TBC1D24: variants seen among roughly 807,000 people sequenced by gnomAD.
TBC1D24 encodes the protein TBC1 domain family member 24, also known as Infantile myoclonic epilepsy.
Under a neutral mutation model 50.7 loss-of-function variants are expected in TBC1D24, and 47 were observed. That is an observed-to-expected ratio of 0.93 (90% CI 0.73 to 1.18). TBC1D24 has a LOEUF of 1.18. TBC1D24 is among the 50% of genes most tolerant of loss of function. TBC1D24 has a pLI of 0.00. For synonymous variants in TBC1D24, 324 were observed against 335.2 expected, an observed-to-expected ratio of 0.97 and a Z score of 0.36; for missense variants, 688 against 766.5, an observed-to-expected ratio of 0.90 and a Z score of 1.21.
rs577217749 is a variant in TBC1D24 at position 2,494,426 on chromosome 16, A to G, written c.-115-1608A>G. On this transcript the variant is annotated intron_variant, in intron 1 of 7. Coordinates refer to ENST00000646147, the MANE Select transcript of TBC1D24 (RefSeq NM_001199107.2). ...GACTCTGTCTCAAAAAAAAAAAAAA[A>G]GGGAGAACTAGAACGAAGCATCTCT... Among the ~76,000 whole-genome samples, 244 of 150,706 alleles carry G rather than the reference A, an allele frequency of 1.6e-3. 2 individuals carry two copies. Among genetic ancestry groups the G allele is most frequent in the Middle Eastern group, 0.014 (4 of 290 alleles).
At chr16:2,488,617 C>T (rs1286078050) in intron 1 of TBC1D24, among the ~76,000 whole-genome samples, 2 of 147,186 alleles carry the variant, frequency 1.4e-5, no homozygotes, top group African/African-American at 2.5e-5. Flanking sequence ...GTTCACACTA[C>T]TCTCCTGCCT....
chr16:2,495,567 C>G (rs1209897515), intron 1 of TBC1D24, among the ~76,000 whole-genome samples: 1 of 152,126 alleles, frequency 6.6e-6, no homozygotes, highest in Non-Finnish European at 1.5e-5. Context: ...ATCACAAGGT[C>G]AGGAGTTTGA....
At position 2,498,333 on chromosome 16, in the gene TBC1D24, G is replaced by A. The variant is rs765965968; in HGVS notation, c.1079G>A (p.Arg360His). Residue 360 changes from arginine to histidine, a missense_variant, in exon 4 of 8, where the codon CGC (arginine) becomes CAC (histidine). Physicochemically the swap from Arg to His is conservative, Grantham distance 29. Coordinates refer to ENST00000646147, the MANE Select transcript of TBC1D24 (RefSeq NM_001199107.2). ...MRDIWSWVPE[R>H]FALCQPLLLF... ...GACATCTGGTCCTGGGTCCCCGAGCGCTTTGCCCTGTGCCAGCCCCTTCTG... is the reference window on the plus strand; with the variant it reads ...GACATCTGGTCCTGGGTCCCCGAGCACTTTGCCCTGTGCCAGCCCCTTCTG... 8.1e-6 allele frequency: 13 copies of A among 1,610,106 alleles called. No homozygotes were observed. Among genetic ancestry groups the A allele is most frequent in the South Asian group, 1.1e-5 (1 of 90,148 alleles).
In TBC1D24 at chr16:2,485,717, A is replaced by G. The variant is rs976661937; in HGVS notation, c.-115-10317A>G. ...CGGTGTCGGGATTGAATTGGAGGAC[A>G]CCCTGCGGGCGCCCGCTGCAGAATG... is the stretch of plus-strand genomic sequence containing the variant. On this transcript the variant is annotated intron_variant, in intron 1 of 7. Transcript: ENST00000646147. This position sits in a 1 kb window ranked among gnomAD's most constrained non-coding sequence, Gnocchi z 4.6. 1.3e-5 allele frequency among the ~76,000 whole-genome samples: 2 copies of G among 151,928 alleles called. No homozygotes were observed. Among genetic ancestry groups the G allele is most frequent in the African/African-American group, 4.8e-5 (2 of 41,348 alleles).
chr16:2,485,998 C>T lies in TBC1D24; in HGVS notation c.-115-10036C>T, dbSNP rs563519138. ...ACAAAGCTCTCATCCCTGGATCTTGCGGATCTCGCGCCCGGGCTGGAATGC... is the reference window on the plus strand; with the variant it reads ...ACAAAGCTCTCATCCCTGGATCTTGTGGATCTCGCGCCCGGGCTGGAATGC... On this transcript the variant is annotated intron_variant, in intron 1 of 7. Coordinates refer to ENST00000646147, the MANE Select transcript of TBC1D24 (RefSeq NM_001199107.2). This position sits in a 1 kb window ranked among gnomAD's most constrained non-coding sequence, Gnocchi z 4.6. Among the ~76,000 whole-genome samples, 6 of 152,290 alleles carry T rather than the reference C, an allele frequency of 3.9e-5. No homozygotes were observed. Among genetic ancestry groups the T allele is most frequent in the East Asian group, 1.9e-4 (1 of 5,176 alleles).
At position 2,487,406 on chromosome 16, in the gene TBC1D24, C is replaced by T. The variant is rs927910226; in HGVS notation, c.-115-8628C>T. ...CTGTGACCTGGGACAGGAGCGGTCC[C>T]CAGGAAGGGAGGCACGGTGTCGGGG... On this transcript the variant is annotated intron_variant, in intron 1 of 7. Transcript: ENST00000646147. The surrounding 1 kb of genome is among the most constrained non-coding windows in gnomAD (Gnocchi z 4.1). Among the ~76,000 whole-genome samples the T allele has an allele frequency of 6.6e-6, 1 of 152,224 alleles. No individual in the cohort carries two copies. The highest frequency in any genetic ancestry group is 1.5e-5 in the Non-Finnish European group (1 of 68,040).
intron 1 of TBC1D24, among the ~76,000 whole-genome samples, chr16:2,490,297 A>G (rs760717915): frequency 4.6e-5 from 7 of 152,178 alleles, no homozygotes; most frequent in African/African-American, 9.7e-5. Context: ...TCTCTGCTCC[A>G]CACTCAGGGA....
intron 1 of TBC1D24, among the ~76,000 whole-genome samples, chr16:2,492,257 C>G (rs2065701536): frequency 1.3e-5 from 2 of 152,016 alleles, no homozygotes; most frequent in African/African-American, 4.8e-5. Context: ...CAAGGGCTCC[C>G]TCGGGTCTTT....
chr16:2,493,520 C>T (rs918776595), intron 1 of TBC1D24: 1 of 152,200 alleles, frequency 6.6e-6, no homozygotes, highest in Non-Finnish European at 1.5e-5. Flanking sequence ...GACAGTGTCT[C>T]GCAGACGTAC....
At position 2,496,872 on chromosome 16, in the gene TBC1D24, C is replaced by G; in HGVS notation, c.724C>G (p.Arg242Gly). Residue 242 changes from arginine to glycine, a missense_variant, in exon 2 of 8, where the codon CGC becomes GGC. Coordinates refer to ENST00000646147, the MANE Select transcript of TBC1D24 (RefSeq NM_001199107.2). ...FLVEGYKVLY[R>G]VALAILKFFH... ...GGTGGAGGGCTACAAGGTGCTGTAC[C>G]GCGTGGCGCTGGCCATCCTCAAGTT... is the stretch of plus-strand genomic sequence containing the variant. 1 of 1,614,114 alleles carries G rather than the reference C, an allele frequency of 6.2e-7. No homozygotes were observed. The highest frequency in any genetic ancestry group is 2.2e-5 in the East Asian group (1 of 44,890).
At position 2,499,628 on chromosome 16, in the gene TBC1D24, C is replaced by T. The variant is rs952875988; in HGVS notation, c.1207-207C>T. On this transcript the variant is annotated intron_variant, in intron 5 of 7. Transcript: ENST00000646147. The surrounding 1 kb of genome is among the most constrained non-coding windows in gnomAD (Gnocchi z 4.0). ...GACTATCCCCAACACAGCCCCCGCC[C>T]ACCCTCATTGCCAGCCCCAAGCCAG... Among the ~76,000 whole-genome samples, 1 of 152,154 alleles carries T rather than the reference C, an allele frequency of 6.6e-6. No homozygotes were observed. The highest frequency in any genetic ancestry group is 1.5e-5 in the Non-Finnish European group (1 of 68,000).
chr16:2,496,873 G>T lies in TBC1D24; in HGVS notation c.725G>T (p.Arg242Leu). The T allele has an allele frequency of 6.2e-7, 1 of 1,614,126 alleles. No individual in the cohort carries two copies. The highest frequency in any genetic ancestry group is 8.5e-7 in the Non-Finnish European group (1 of 1,180,040). Residue 242 changes from arginine (R) to leucine (L), a missense_variant, in exon 2 of 8, where the codon CGC (arginine) becomes CTC (leucine). By Grantham distance (102) the Arg-to-Leu change is moderately radical (BLOSUM62 -2). Transcript: ENST00000646147. ...GTGGAGGGCTACAAGGTGCTGTACCGCGTGGCGCTGGCCATCCTCAAGTTC... is the reference window on the plus strand; with the variant it reads ...GTGGAGGGCTACAAGGTGCTGTACCTCGTGGCGCTGGCCATCCTCAAGTTC... ...FLVEGYKVLY[R>L]VALAILKFFH...
In TBC1D24 at chr16:2,500,175, G is replaced by T. The variant is rs1567414192; in HGVS notation, c.1303-93G>T. On this transcript the variant is annotated intron_variant, in intron 6 of 7. Transcript: ENST00000646147. This position sits in a 1 kb window ranked among gnomAD's most constrained non-coding sequence, Gnocchi z 8.0. ...GGGCTGCACCCACCTTGGGCTCTGG[G>T]TGCAGATTCACGGGATGAAACGGGT... 1 of 1,319,324 alleles carries T rather than the reference G, an allele frequency of 7.6e-7. No homozygotes were observed. Among genetic ancestry groups the T allele is most frequent in the Non-Finnish European group, 1.1e-6 (1 of 939,018 alleles). The allele number at this position is 1,319,324 out of a possible 1,614,324, so 81.7% of individuals were successfully genotyped here. A position where few individuals can be genotyped will look rare whatever the true frequency, so the allele number is the denominator to read the frequency against.
At position 2,496,630 on chromosome 16, in the gene TBC1D24, G is replaced by A; in HGVS notation, c.482G>A (p.Cys161Tyr). 1 of 1,612,020 alleles carries A rather than the reference G, an allele frequency of 6.2e-7. No individual in the cohort carries two copies. Residue 161 changes from cysteine (C) to tyrosine (Y), a missense_variant, in exon 2 of 8, where the codon TGC becomes TAC. Coordinates refer to ENST00000646147, the MANE Select transcript of TBC1D24 (RefSeq NM_001199107.2). ...GAGAAGGCCTGCCGCATCCTGGCCT[G>A]CAATGACCCCGGCAGGAGGCTGATC... ...CFEKACRILA[C>Y]NDPGRRLIDQ...
rs750259826 is a variant in TBC1D24, at chr16:2,499,809, C to T, written c.1207-26C>T. ...GGACGCTCCTGGGGGCCTGCGGGCA[C>T]AGCCTCACCCAGACCTTTCCCCCAG... On this transcript the variant is annotated intron_variant, in intron 5 of 7. Coordinates refer to ENST00000646147, the MANE Select transcript of TBC1D24 (RefSeq NM_001199107.2). This position sits in a 1 kb window ranked among gnomAD's most constrained non-coding sequence, Gnocchi z 4.0. 6.2e-6 allele frequency: 10 copies of T among 1,601,772 alleles called. No individual in the cohort carries two copies. The Admixed American group carries it at 1.2e-4, about 19-fold the overall frequency.
At chr16:2,481,184 T>G (rs2065607669) in intron 1 of TBC1D24, 1 of 152,280 alleles carries the variant, frequency 6.6e-6, no homozygotes, top group Non-Finnish European at 1.5e-5. Context: ...GGGCCATGCC[T>G]CTGTACTCCT....
At chr16:2,481,533 A>G (rs769840088) in intron 1 of TBC1D24, 1 of 152,254 alleles carries the variant, frequency 6.6e-6, no homozygotes, top group Non-Finnish European at 1.5e-5. Flanking sequence ...ACTCAGACCA[A>G]TCAAAATGCC....
Position 2,496,541 on chromosome 16 carries a change from C to G in TBC1D24, c.393C>G (p.Cys131Trp), listed in dbSNP as rs777604231. 17 of 1,608,402 alleles carry G rather than the reference C, an allele frequency of 1.1e-5. No homozygotes were observed. The highest frequency in any genetic ancestry group is 9.3e-6 in the Non-Finnish European group (11 of 1,179,972). ...LANQFPDISF[C>W]PALPAVVALL... ...ACCAGTTCCCCGACATCTCCTTCTG[C>G]CCCGCCCTGCCGGCCGTGGTGGCCC... The change falls in exon 2 of 8, where the codon TGC becomes TGG. Residue 131 changes from cysteine (C) to tryptophan (W), a missense_variant. Transcript: ENST00000646147.
chr16:2,492,211 CT>C (rs2065701224), intron 1 of TBC1D24, among the ~76,000 whole-genome samples: 1 of 152,022 alleles, frequency 6.6e-6, no homozygotes, highest in Non-Finnish European at 1.5e-5. Context: ...GTCGTGCGCT[CT>C]TTTTGAGTGA....
Sources: allele counts gnomAD v4.1 joint callset (sites outside exome capture counted in the v4.1 genomes callset), GRCh38; gene constraint gnomAD v4.1.1; non-coding constraint Gnocchi (gnomAD v3.1); transcripts MANE v1.5; gene names NCBI Gene and HGNC (gene_info 2026-07-23, HGNC 2026-07-21).